Variants in RHEX observed in about 807,000 individuals in gnomAD.
The protein encoded by RHEX is regulator of hemoglobinization and erythroid cell expansion protein.
Under a neutral mutation model 20.1 loss-of-function variants are expected in RHEX, and 18 were observed. That is an observed-to-expected ratio of 0.90 (90% CI 0.62 to 1.33). The LOEUF (loss-of-function observed/expected upper bound fraction) is 1.33, where lower values mean the gene tolerates loss of function less well. Among genes scored for constraint, RHEX ranks in the 40% most tolerant of loss-of-function variants. The pLI is 0.00. For synonymous variants in RHEX, 87 were observed against 77.1 expected (o/e 1.13, Z -0.67); for missense variants, 192 against 214.3 (o/e 0.90, Z 0.65).
chr1:206,093,133 T>C (rs1186419783), intron 1 of RHEX, among the ~76,000 whole-genome samples: 2 of 152,206 alleles, frequency 1.3e-5, no homozygotes, highest in African/African-American at 4.8e-5. Context: ...TTGTTCTCTT[T>C]CCATTATACC....
At chr1:206,089,136 G>C (rs1553286683) in intron 1 of RHEX, among the ~76,000 whole-genome samples, 1 of 151,890 alleles carries the variant, frequency 6.6e-6, no homozygotes, top group Admixed American at 6.5e-5. Flanking sequence ...TTTTCATATT[G>C]AAAATGAGTC....
At chr1:206,097,562 G>A (rs565535488) in intron 1 of RHEX, 171 bp from the exon 2 acceptor site, 104 of 549,872 alleles carry the variant, frequency 1.9e-4, no homozygotes, top group Non-Finnish European at 3.0e-4. Flanking sequence ...TACTCATCAA[G>A]GTTCTTTAGG....
intron 1 of RHEX, among the ~76,000 whole-genome samples, chr1:206,063,673 C>T (rs905750533): frequency 3.9e-5 from 6 of 152,276 alleles, no homozygotes; most frequent in African/African-American, 1.2e-4. Flanking sequence ...GGATTGCAGA[C>T]GGAGTCTGGT....
intron 1 of RHEX, among the ~76,000 whole-genome samples, chr1:206,086,315 T>C (rs563670857): frequency 2.0e-5 from 3 of 152,310 alleles, no homozygotes; most frequent in African/African-American, 7.2e-5. Context: ...CTGGTACCTA[T>C]ATATGCCAGG....
chr1:206,101,528 C>T (rs1162224938), intron 5 of RHEX, among the ~76,000 whole-genome samples: 1 of 152,204 alleles, frequency 6.6e-6, no homozygotes, highest in East Asian at 1.9e-4. Context: ...TTCCTGTTGC[C>T]TCCACCTGCT....
chr1:206,064,378 G>T (rs377510366), intron 1 of RHEX, among the ~76,000 whole-genome samples: 1 of 119,456 alleles, frequency 8.4e-6, no homozygotes. Flanking sequence ...TGCCCCGTCC[G>T]GGAGGGAGGT....
In RHEX at chr1:206,067,184, C is replaced by G. The variant is rs1453851252; in HGVS notation, c.-97+13919C>G. On this transcript the variant is annotated intron_variant, in intron 1 of 5. Transcript: ENST00000331555. This position sits in a 1 kb window ranked among gnomAD's most constrained non-coding sequence, Gnocchi z 4.6. ...AGGCATATCTAACCTCCTATCTCATCAAAGCCAGGGAAACTTAAAGTTTTT... is the reference window on the plus strand; with the variant it reads ...AGGCATATCTAACCTCCTATCTCATGAAAGCCAGGGAAACTTAAAGTTTTT... 6.6e-6 allele frequency among the ~76,000 whole-genome samples: 1 copy of G among 152,172 alleles called. No homozygotes were observed. Among genetic ancestry groups the G allele is most frequent in the African/African-American group, 2.4e-5 (1 of 41,432 alleles).
intron 1 of RHEX, among the ~76,000 whole-genome samples, chr1:206,065,681 T>C (rs1662409512): frequency 6.6e-6 from 1 of 152,226 alleles, no homozygotes; most frequent in African/African-American, 2.4e-5. Context: ...AAGTCCTGCC[T>C]GTGGGACAAC....
chr1:206,078,917 TG>T (rs1206465923), intron 1 of RHEX, among the ~76,000 whole-genome samples: 3 of 152,138 alleles, frequency 2.0e-5, no homozygotes, highest in Non-Finnish European at 2.9e-5. Flanking sequence ...GTCATTTAGC[TG>T]GGGGGATGCA....
At chr1:206,099,316 C>T (rs1663138624) in intron 3 of RHEX, among the ~76,000 whole-genome samples, 2 of 150,746 alleles carry the variant, frequency 1.3e-5, no homozygotes, top group South Asian at 2.1e-4. Flanking sequence ...ACCCAGGCAG[C>T]TTCCACTTTT....
chr1:206,066,758 G>C (rs1299318213), intron 1 of RHEX, among the ~76,000 whole-genome samples: 2 of 152,194 alleles, frequency 1.3e-5, no homozygotes. Context: ...GTAGGTTATA[G>C]GACAATCTTA....
In RHEX at chr1:206,094,169, G is replaced by GGGGTGTGTGT. The variant is rs1200017719; in HGVS notation, c.-96-3563_-96-3562insGGTGTGTGTG. Among the ~76,000 whole-genome samples, 5 of 148,682 alleles carry GGGGTGTGTGT rather than the reference G, an allele frequency of 3.4e-5. No homozygotes were observed. The East Asian group carries it at 8.0e-4, about 24-fold the overall frequency. Reference sequence around the variant, plus strand: ...TAAATTGCCCATTTCCTGGTTATTTGGTGTGTGTGTGTGTGTGTGTGTGTG... The same window carrying GGGGTGTGTGT: ...TAAATTGCCCATTTCCTGGTTATTTGGGGTGTGTGTGTGTGTGTGTGTGTGTGTGTGTGTG... On this transcript the variant is annotated intron_variant, in intron 1 of 5. Transcript: ENST00000331555.
rs537162083 is a variant in RHEX at position 206,101,181 on chromosome 1, C to T, written c.302C>T (p.Ser101Leu). Residue 101 changes from serine to leucine, a missense_variant, in exon 5 of 6, where the codon TCG becomes TTG. Coordinates refer to ENST00000331555, the MANE Select transcript of RHEX (RefSeq NM_001007544.4). ...GATAGCTTGGATAGCTCCTGCAGTT[C>T]GCCTCCTGCCTGCCAGGTAATGGAT... is the stretch of plus-strand genomic sequence containing the variant. Reference protein sequence around the residue: ...PSDSLDSSCSSPPACQATEDV... With the variant: ...PSDSLDSSCSLPPACQATEDV... 1.5e-5 allele frequency: 24 copies of T among 1,612,404 alleles called. No individual in the cohort carries two copies. Among genetic ancestry groups the T allele is most frequent in the South Asian group, 6.6e-5 (6 of 90,838 alleles).
chr1:206,075,783 G>C (rs534010143), intron 1 of RHEX, among the ~76,000 whole-genome samples: 2 of 152,038 alleles, frequency 1.3e-5, no homozygotes, highest in South Asian at 2.1e-4. Context: ...TGTATTTTTA[G>C]TAGAGACAGG....
At chr1:206,084,731 C>G (rs568518774) in intron 1 of RHEX, among the ~76,000 whole-genome samples, 37 of 152,274 alleles carry the variant, frequency 2.4e-4, no homozygotes, top group African/African-American at 8.7e-4. Flanking sequence ...TGGTGGCACA[C>G]AACGCAAAAT....
At chr1:206,072,417 T>C (rs1662553288) in intron 1 of RHEX, among the ~76,000 whole-genome samples, 1 of 151,848 alleles carries the variant, frequency 6.6e-6, no homozygotes, top group African/African-American at 2.4e-5. Context: ...CTACTAAAAA[T>C]ACAAAAAAAT....
At chr1:206,082,424 A>G (rs1662757113) in intron 1 of RHEX, among the ~76,000 whole-genome samples, 1 of 152,046 alleles carries the variant, frequency 6.6e-6, no homozygotes, top group South Asian at 2.1e-4. Flanking sequence ...AGGCTGAGGC[A>G]GGAGAATCGC....
intron 3 of RHEX, 121 bp from the exon 4 acceptor site, chr1:206,099,534 G>A: frequency 1.2e-6 from 1 of 833,316 alleles, no homozygotes; most frequent in East Asian, 2.7e-5. Context: ...GACCAGGCTG[G>A]TCTCGAACTT....
intron 2 of RHEX, 76 bp downstream of exon 2, chr1:206,097,915 G>A (rs1663108241): frequency 7.9e-7 from 1 of 1,267,526 alleles, no homozygotes; most frequent in Non-Finnish European, 1.2e-6. Flanking sequence ...AGCACACATA[G>A]CACCCTTCCT....
Sources: allele counts gnomAD v4.1 joint callset (sites outside exome capture counted in the v4.1 genomes callset), GRCh38; gene constraint gnomAD v4.1.1; non-coding constraint Gnocchi (gnomAD v3.1); transcripts MANE v1.5; gene names NCBI Gene and HGNC (gene_info 2026-07-23, HGNC 2026-07-21).